The following SDK1 variants were observed in gnomAD, a reference collection of about 807,000 sequenced individuals.
The protein encoded by SDK1 is protein sidekick-1.
Under a neutral mutation model 245.5 loss-of-function variants are expected in SDK1, and 157 were observed. The observed-to-expected ratio is 0.64, with a 90% CI of 0.56 to 0.73. The LOEUF (loss-of-function observed/expected upper bound fraction) is 0.73, where lower values mean the gene tolerates loss of function less well. Ranked by LOEUF, SDK1 falls within the 30% of genes least tolerant of loss-of-function variation. The pLI is 0.00. For synonymous variants in SDK1, 1,647 were observed against 1,278.5 expected (o/e 1.29, Z -6.15); for missense variants, 3,583 against 3,002.3 (o/e 1.19, Z -4.52).
chr7:4,208,433 G>C (rs1784352455), intron 37 of SDK1, 148 bp downstream of exon 37: 2 of 707,660 alleles, frequency 2.8e-6, no homozygotes, highest in Non-Finnish European at 4.7e-6. Context: ...GGATGGGCAG[G>C]ACTGGGTTTG....
intron 32 of SDK1, among the ~76,000 whole-genome samples, chr7:4,165,281 C>T (rs967044866): frequency 6.6e-6 from 1 of 152,074 alleles, no homozygotes; most frequent in Non-Finnish European, 1.5e-5. Flanking sequence ...ACTGCTTAAA[C>T]CCGGGAGGTG....
chr7:4,053,805 T>C (rs1779031990), intron 19 of SDK1, among the ~76,000 whole-genome samples: 1 of 152,224 alleles, frequency 6.6e-6, no homozygotes, highest in Admixed American at 6.5e-5. Flanking sequence ...GTAGCCCTGC[T>C]GCTGCTGTGA....
At chr7:3,561,328 G>A (rs1175625519) in intron 1 of SDK1, among the ~76,000 whole-genome samples, 1 of 152,218 alleles carries the variant, frequency 6.6e-6, no homozygotes, top group African/African-American at 2.4e-5. Flanking sequence ...AAACACATCT[G>A]AGCTGCTTTC....
chr7:4,190,853 C>G (rs1584407106), intron 35 of SDK1, among the ~76,000 whole-genome samples: 1 of 152,204 alleles, frequency 6.6e-6, no homozygotes, highest in East Asian at 1.9e-4. Context: ...AGACACAGCC[C>G]CCGAGGGAGG....
intron 13 of SDK1, among the ~76,000 whole-genome samples, chr7:3,978,727 A>G (rs1248008761): frequency 1.3e-5 from 2 of 152,144 alleles, no homozygotes; most frequent in Non-Finnish European, 2.9e-5. Context: ...TAGTGTTTCC[A>G]TCATTTACTC....
At chr7:3,512,431 T>G (rs555862184) in intron 1 of SDK1, among the ~76,000 whole-genome samples, 1 of 152,360 alleles carries the variant, frequency 6.6e-6, no homozygotes, top group South Asian at 2.1e-4. Context: ...AACATCTGTG[T>G]GCAGGTTTTT....
At chr7:4,096,073 C>T (rs892854241) in intron 22 of SDK1, among the ~76,000 whole-genome samples, 12 of 152,218 alleles carry the variant, frequency 7.9e-5, no homozygotes, top group East Asian at 3.8e-4. Context: ...AGCTGTAAAG[C>T]GTCCACTTTC....
At chr7:3,642,434 C>T (rs1782680611) in intron 4 of SDK1, among the ~76,000 whole-genome samples, 1 of 152,120 alleles carries the variant, frequency 6.6e-6, no homozygotes, top group Non-Finnish European at 1.5e-5. Context: ...GGGTTTGCCT[C>T]CTAGTACTAA....
intron 17 of SDK1, among the ~76,000 whole-genome samples, chr7:4,041,215 C>G (rs1380700657): frequency 1.3e-5 from 2 of 151,770 alleles, no homozygotes; most frequent in African/African-American, 4.8e-5. Context: ...CTGTGCCTTT[C>G]TGCAGCAGAT....
Position 3,821,504 on chromosome 7 carries a change from C to A in SDK1, c.768C>A (p.Ala256=). The A allele has an allele frequency of 6.2e-7, 1 of 1,613,446 alleles. No individual in the cohort carries two copies. Among genetic ancestry groups the A allele is most frequent in the South Asian group, 1.1e-5 (1 of 90,946 alleles). ...TCCTCGCCACCACAACCAGTGATGCCGGGGCATACTACGTGCAGGCCGTGA... is the reference window on the plus strand; with the variant it reads ...TCCTCGCCACCACAACCAGTGATGCAGGGGCATACTACGTGCAGGCCGTGA... ...LVILATTTSD[A]GAYYVQAVNE... Residue 256 remains alanine, a synonymous_variant, in exon 5 of 45, where the codon GCC becomes GCA. Coordinates refer to ENST00000404826, the MANE Select transcript of SDK1 (RefSeq NM_152744.4).
chr7:3,854,724 C>T lies in SDK1; in HGVS notation c.847+33141C>T, dbSNP rs531498823. Among the ~76,000 whole-genome samples, 29 of 152,228 alleles carry T rather than the reference C, an allele frequency of 1.9e-4. No individual in the cohort carries two copies. In the East Asian group the frequency reaches 4.4e-3, roughly 23 times the overall value. ...ATTGAAAGAATATTTGAGGGATTTT[C>T]GATCAGATGTCAGACTGAAGTACCT... On this transcript the variant is annotated intron_variant, in intron 5 of 44. Coordinates refer to ENST00000404826, the MANE Select transcript of SDK1 (RefSeq NM_152744.4).
intron 1 of SDK1, among the ~76,000 whole-genome samples, chr7:3,418,106 G>A (rs1213856042): frequency 3.6e-5 from 5 of 140,594 alleles, no homozygotes; most frequent in African/African-American, 1.4e-4. Context: ...TTCAAGACCA[G>A]CCTGGGCAAC....
rs1787041945 is a variant in SDK1, at chr7:4,248,314, G to GCA, written c.6381+2516_6381+2517dup. Among the ~76,000 whole-genome samples the GCA allele has an allele frequency of 1.3e-5, 2 of 150,242 alleles. 1 individual carries two copies. The highest frequency in any genetic ancestry group is 4.3e-4 in the South Asian group (2 of 4,704). On this transcript the variant is annotated intron_variant, in intron 44 of 44. Transcript: ENST00000404826. ...CACACATATCTATACATACACACAT[G>GCA]CACACACATATACATATACACCTGA...
chr7:3,597,275 A>G (rs1164940313), intron 1 of SDK1, among the ~76,000 whole-genome samples: 1 of 150,046 alleles, frequency 6.7e-6, no homozygotes, highest in Non-Finnish European at 1.5e-5. Flanking sequence ...TGGTCTCAAA[A>G]AAAAAAAAAA....
At chr7:3,430,167 G>A (rs147467763) in intron 1 of SDK1, among the ~76,000 whole-genome samples, 1 of 152,098 alleles carries the variant, frequency 6.6e-6, no homozygotes, top group Non-Finnish European at 1.5e-5. Flanking sequence ...CTTCATCTCC[G>A]CATGCTCCTA....
At chr7:4,241,349 T>C (rs898444114) in intron 42 of SDK1, among the ~76,000 whole-genome samples, 1 of 152,160 alleles carries the variant, frequency 6.6e-6, no homozygotes, top group Non-Finnish European at 1.5e-5. Flanking sequence ...GTGTATGCAT[T>C]CTTGGCCAGG....
intron 1 of SDK1, among the ~76,000 whole-genome samples, chr7:3,570,859 G>C (rs747695851): frequency 1.4e-4 from 21 of 149,668 alleles, no homozygotes; most frequent in Non-Finnish European, 2.4e-4. Flanking sequence ...ATAAATCTTA[G>C]AATTTATTAT....
intron 1 of SDK1, among the ~76,000 whole-genome samples, chr7:3,571,344 G>A (rs921059236): frequency 2.0e-5 from 3 of 151,588 alleles, no homozygotes; most frequent in Non-Finnish European, 4.4e-5. Context: ...ACATTGTCAC[G>A]CACGTGGGGG....
chr7:3,453,860 G>A (rs1182578627), intron 1 of SDK1, among the ~76,000 whole-genome samples: 1 of 152,064 alleles, frequency 6.6e-6, no homozygotes, highest in African/African-American at 2.4e-5. Context: ...TGCCTTGGCA[G>A]TATTTTTTTT....
Sources: gnomAD v4.1 joint callset for allele counts (sites outside exome capture counted in the v4.1 genomes callset) on GRCh38, gnomAD v4.1.1 for gene constraint, MANE v1.5 for transcripts, NCBI Gene and HGNC (gene_info 2026-07-23, HGNC 2026-07-21) for gene names.